CASQ2: variants seen among roughly 807,000 people sequenced by gnomAD.
The protein encoded by CASQ2 is calsequestrin 2.
Under a neutral mutation model 46.5 loss-of-function variants are expected in CASQ2, and 49 were observed. The observed-to-expected ratio is 1.05, with a 90% CI of 0.84 to 1.34. The LOEUF (loss-of-function observed/expected upper bound fraction) is 1.34. Ranked by LOEUF, CASQ2 falls within the 40% of genes most tolerant of loss-of-function variation. CASQ2 has a pLI of 0.00. For synonymous variants in CASQ2, 174 were observed against 168.5 expected (o/e 1.03, Z -0.25); for missense variants, 486 against 481.3 (o/e 1.01, Z -0.09).
intron 4 of CASQ2, among the ~76,000 whole-genome samples, chr1:115,735,195 A>G (rs1223575721): frequency 6.6e-6 from 1 of 152,224 alleles, no homozygotes; most frequent in Non-Finnish European, 1.5e-5. Flanking sequence ...TCTGCATTCC[A>G]CAAAAAGGTT....
chr1:115,725,025 C>T (rs1044500189), intron 7 of CASQ2, among the ~76,000 whole-genome samples: 13 of 152,142 alleles, frequency 8.5e-5, no homozygotes, highest in African/African-American at 3.1e-4. Context: ...CCATGGAGAA[C>T]TGTGTTTTAA....
rs143771953 is a variant in CASQ2 at position 115,749,042 on chromosome 1, G to A, written c.235-4130C>T. Among the ~76,000 whole-genome samples, 332 of 152,260 alleles carry A rather than the reference G, an allele frequency of 2.2e-3. 1 individual carries two copies. The highest frequency in any genetic ancestry group is 7.4e-3 in the African/African-American group (309 of 41,558). On this transcript the variant is annotated intron_variant, in intron 1 of 10. Transcript: ENST00000261448. ...ATTATTCTAATACAGCAGATCTCAA[G>A]ACAGACTCTGAAAAACACTGCTATA...
Position 115,715,985 on chromosome 1 carries a change from T to C in CASQ2, c.838+1855A>G, listed in dbSNP as rs1243586570. ...CCACTAACTGTGTTCTCTTGGGCAG[T>C]TTGTTTAACTTCTCCAAACCGCTGT... On this transcript the variant is annotated intron_variant, in intron 8 of 10. Transcript: ENST00000261448. Among the ~76,000 whole-genome samples, 4 of 152,326 alleles carry C rather than the reference T, an allele frequency of 2.6e-5. No individual in the cohort carries two copies. The East Asian group carries it at 5.8e-4, about 22-fold the overall frequency.
At chr1:115,768,274 G>A in intron 1 of CASQ2, 34 bp downstream of exon 1, 3 of 1,375,052 alleles carry the variant, frequency 2.2e-6, no homozygotes, top group Non-Finnish European at 3.1e-6. Context: ...ACCTCACTGA[G>A]GCAGCGCAGA....
At chr1:115,714,785 A>C (rs922507747) in intron 8 of CASQ2, among the ~76,000 whole-genome samples, 2 of 152,206 alleles carry the variant, frequency 1.3e-5, no homozygotes, top group Admixed American at 6.5e-5. Context: ...CCTTGCTCAC[A>C]GAAGATGCTT....
chr1:115,753,588 G>C (rs1429295166), intron 1 of CASQ2, among the ~76,000 whole-genome samples: 1 of 152,150 alleles, frequency 6.6e-6, no homozygotes, highest in Non-Finnish European at 1.5e-5. Context: ...GTCACACAGA[G>C]GCGAGAGGGG....
chr1:115,726,967 A>G, intron 6 of CASQ2, 25 bp downstream of exon 6: 3 of 751,678 alleles, frequency 4.0e-6, no homozygotes, highest in Non-Finnish European at 6.7e-6. Context: ...CCAGGCCCCC[A>G]GCCCCCACAT....
At chr1:115,738,462 T>G in intron 3 of CASQ2, 127 bp from the exon 4 acceptor site, 1 of 742,972 alleles carries the variant, frequency 1.3e-6, no homozygotes, top group South Asian at 1.4e-5. Context: ...TCTATTCCAT[T>G]CTCCCCACAA....
At chr1:115,719,697 A>C (rs1426759526) in intron 7 of CASQ2, among the ~76,000 whole-genome samples, 1 of 152,044 alleles carries the variant, frequency 6.6e-6, no homozygotes, top group Non-Finnish European at 1.5e-5. Flanking sequence ...CAGAGCCAGA[A>C]CCCATGGGCA....
At chr1:115,742,029 C>A (rs1648199876) in intron 2 of CASQ2, among the ~76,000 whole-genome samples, 1 of 151,998 alleles carries the variant, frequency 6.6e-6, no homozygotes, top group Non-Finnish European at 1.5e-5. Flanking sequence ...TCAAAAGGAG[C>A]AATGTGCCAG....
chr1:115,755,772 T>C (rs912722028), intron 1 of CASQ2, among the ~76,000 whole-genome samples: 1 of 152,212 alleles, frequency 6.6e-6, no homozygotes, highest in Non-Finnish European at 1.5e-5. Context: ...TTACCTGTTT[T>C]GTCTTCTTAA....
chr1:115,767,046 G>A (rs1649161124), intron 1 of CASQ2, among the ~76,000 whole-genome samples: 1 of 152,154 alleles, frequency 6.6e-6, no homozygotes, highest in Admixed American at 6.5e-5. Context: ...TGAGCATATA[G>A]GGGAGAATCC....
intron 6 of CASQ2, among the ~76,000 whole-genome samples, chr1:115,726,101 C>T (rs1647578541): frequency 6.6e-6 from 1 of 152,290 alleles, no homozygotes; most frequent in South Asian, 2.1e-4. Context: ...TTAATATTTG[C>T]TCCTCCAAGT....
chr1:115,700,408 A>G lies in CASQ2; in HGVS notation c.*833T>C, dbSNP rs954562708. On this transcript the variant is annotated 3_prime_UTR_variant, in exon 11 of 11. Transcript: ENST00000261448. ...TATTCAGATCCCAGCTTAGGCTAGG[A>G]AGCCAGCTGACCCAATCAGAGACAT... The G allele has an allele frequency of 1.8e-4, 28 of 152,564 alleles. No individual in the cohort carries two copies. Among genetic ancestry groups the G allele is most frequent in the Admixed American group, 1.8e-3 (27 of 15,278 alleles). The allele number at this position is 152,564 out of a possible 1,614,324, so 9.5% of individuals were successfully genotyped here.
chr1:115,733,335 C>A (rs1647855474), intron 4 of CASQ2, among the ~76,000 whole-genome samples: 1 of 152,060 alleles, frequency 6.6e-6, no homozygotes, highest in Non-Finnish European at 1.5e-5. Flanking sequence ...ATAATCATGC[C>A]CTCTAGAGAG....
At chr1:115,761,253 C>T (rs1302248799) in intron 1 of CASQ2, among the ~76,000 whole-genome samples, 1 of 148,396 alleles carries the variant, frequency 6.7e-6, no homozygotes, top group Admixed American at 6.8e-5. Context: ...AAAAATTAGC[C>T]AGGCATGATG....
chr1:115,706,195 CGTGT>C (rs369753638), intron 8 of CASQ2, among the ~76,000 whole-genome samples: 4 of 151,534 alleles, frequency 2.6e-5, no homozygotes, highest in African/African-American at 9.7e-5. Flanking sequence ...TGTGTGTGTG[CGTGT>C]GTGTGTGCAC....
intron 7 of CASQ2, among the ~76,000 whole-genome samples, chr1:115,720,838 T>C (rs17502671): frequency 0.07 from 10,622 of 152,202 alleles, 479 homozygotes; most frequent in Middle Eastern, 0.12. Flanking sequence ...TATAACCTCA[T>C]TGTTTAGCAC....
chr1:115,742,318 G>A (rs2101097401), intron 2 of CASQ2, among the ~76,000 whole-genome samples: 1 of 152,166 alleles, frequency 6.6e-6, no homozygotes, highest in Middle Eastern at 3.4e-3. Flanking sequence ...AATCTCAAAA[G>A]GTGCCCTAGG....
Sources: gnomAD v4.1 joint callset for allele counts (sites outside exome capture counted in the v4.1 genomes callset) on GRCh38, gnomAD v4.1.1 for gene constraint, MANE v1.5 for transcripts, NCBI Gene and HGNC (gene_info 2026-07-23, HGNC 2026-07-21) for gene names.